Variants in SEMA5A observed in about 807,000 individuals in gnomAD.
SEMA5A encodes the protein semaphorin 5A.
In SEMA5A, 55 loss-of-function variants were observed where a neutral mutation model predicts 135.5. That is an observed-to-expected ratio of 0.41 (90% confidence interval 0.33 to 0.51). The LOEUF (loss-of-function observed/expected upper bound fraction) is 0.51. Ranked by LOEUF, SEMA5A falls within the 20% of genes least tolerant of loss-of-function variation. The probability of loss-of-function intolerance (pLI) is 0.37; values close to 1 mark genes in which losing one functional copy is unlikely to be tolerated. For synonymous variants in SEMA5A, 580 were observed against 546.5 expected, an observed-to-expected ratio of 1.06 and a Z score of -0.85; for missense variants, 1,290 against 1,419.9, an observed-to-expected ratio of 0.91 and a Z score of 1.47.
rs187059488 is a variant in SEMA5A, at chr5:9,135,250, G to A, written c.1599+1254C>T. On this transcript the variant is annotated intron_variant, in intron 13 of 22. Transcript: ENST00000382496. ...GGCTGGAGTGCAGTGGCACGATCTC[G>A]GCTCACTGCAAGCTCTGCCTCCCGA... Among the ~76,000 whole-genome samples the A allele has an allele frequency of 8.8e-5, 13 of 148,456 alleles. No homozygotes were observed. The East Asian group carries it at 1.2e-3, about 14-fold the overall frequency.
intron 2 of SEMA5A, among the ~76,000 whole-genome samples, chr5:9,417,913 G>A (rs1038406756): frequency 5.3e-5 from 8 of 152,002 alleles, no homozygotes; most frequent in Admixed American, 1.3e-4. Context: ...GTTTGGAGGT[G>A]GTGTCACCTT....
chr5:9,527,672 G>C (rs548160310), intron 1 of SEMA5A, among the ~76,000 whole-genome samples: 1 of 152,148 alleles, frequency 6.6e-6, no homozygotes, highest in Non-Finnish European at 1.5e-5. Flanking sequence ...TGCTCACTAT[G>C]GAACAGGCAA....
At chr5:9,140,488 C>T (rs1440269196) in intron 12 of SEMA5A, among the ~76,000 whole-genome samples, 1 of 152,156 alleles carries the variant, frequency 6.6e-6, no homozygotes, top group Non-Finnish European at 1.5e-5. Flanking sequence ...AATCTGGAGA[C>T]CCTTCAAGTG....
rs752341694 is a variant in SEMA5A at position 9,224,662 on chromosome 5, C to T, written c.646+12G>A. ...AAATGAGGTGAGAAAGAGGGAGTGA[C>T]GGAAGGCTTACCATTGAGCCATTTG... is the stretch of plus-strand genomic sequence containing the variant. On this transcript the variant is annotated intron_variant, in intron 8 of 22. Transcript: ENST00000382496. 108 of 1,613,136 alleles carry T rather than the reference C, an allele frequency of 6.7e-5. 1 individual carries two copies. Among genetic ancestry groups the T allele is most frequent in the South Asian group, 1.3e-4 (12 of 91,016 alleles).
intron 5 of SEMA5A, among the ~76,000 whole-genome samples, chr5:9,240,099 T>G (rs1237592240): frequency 8.5e-5 from 13 of 152,082 alleles, no homozygotes. Context: ...TATTTCATTA[T>G]TTTTATCCAG....
At chr5:9,236,920 A>G (rs890946709) in intron 6 of SEMA5A, among the ~76,000 whole-genome samples, 21 of 152,186 alleles carry the variant, frequency 1.4e-4, no homozygotes, top group Admixed American at 1.2e-3. Flanking sequence ...AATTGGGTAA[A>G]AAAAAGGTAC....
At chr5:9,193,846 G>A (rs1745243334) in intron 10 of SEMA5A, among the ~76,000 whole-genome samples, 1 of 152,176 alleles carries the variant, frequency 6.6e-6, no homozygotes, top group East Asian at 1.9e-4. Flanking sequence ...CCAGTGAGCT[G>A]AGATCGTACC....
At chr5:9,218,457 G>C (rs1432076933) in intron 8 of SEMA5A, among the ~76,000 whole-genome samples, 1 of 152,170 alleles carries the variant, frequency 6.6e-6, no homozygotes, top group Non-Finnish European at 1.5e-5. Context: ...TCATCGGTTT[G>C]TCCAATAACT....
intron 2 of SEMA5A, among the ~76,000 whole-genome samples, chr5:9,386,010 C>G (rs1755871194): frequency 6.6e-6 from 1 of 152,036 alleles, no homozygotes; most frequent in Non-Finnish European, 1.5e-5. Context: ...CCATGTTGGT[C>G]AGGCTAGTCT....
intron 17 of SEMA5A, among the ~76,000 whole-genome samples, chr5:9,064,614 G>T (rs767091259): frequency 3.3e-5 from 5 of 152,116 alleles, no homozygotes; most frequent in Non-Finnish European, 7.3e-5. Context: ...TGGACACCAG[G>T]AGGGGAACAC....
intron 5 of SEMA5A, among the ~76,000 whole-genome samples, chr5:9,294,605 C>G (rs1193570038): frequency 6.6e-6 from 1 of 152,196 alleles, no homozygotes; most frequent in African/African-American, 2.4e-5. Context: ...TTACTGAGCA[C>G]TCTACTTGCT....
At chr5:9,285,214 GT>G (rs1212873334) in intron 5 of SEMA5A, among the ~76,000 whole-genome samples, 3 of 152,038 alleles carry the variant, frequency 2.0e-5, no homozygotes, top group African/African-American at 4.8e-5. Context: ...AACATTTCTT[GT>G]TACAAAATGT....
At chr5:9,529,620 A>G (rs529868687) in intron 1 of SEMA5A, among the ~76,000 whole-genome samples, 12 of 152,362 alleles carry the variant, frequency 7.9e-5, no homozygotes, top group Middle Eastern at 3.4e-3. Context: ...GACATCTACT[A>G]AACTGGGGCC....
intron 1 of SEMA5A, among the ~76,000 whole-genome samples, chr5:9,485,208 C>T (rs1418083854): frequency 6.6e-6 from 1 of 151,462 alleles, no homozygotes; most frequent in South Asian, 2.1e-4. Context: ...ACCATGATGG[C>T]CATCTGAGCA....
chr5:9,162,660 C>T (rs1743359328), intron 11 of SEMA5A, among the ~76,000 whole-genome samples: 1 of 150,332 alleles, frequency 6.7e-6, no homozygotes. Context: ...CAGCAAGATA[C>T]ATTCTTGGGG....
chr5:9,269,285 T>C (rs546661290), intron 5 of SEMA5A, among the ~76,000 whole-genome samples: 1 of 152,228 alleles, frequency 6.6e-6, no homozygotes, highest in South Asian at 2.1e-4. Flanking sequence ...GCCAGGCAGA[T>C]AATACAGGAT....
At chr5:9,352,128 C>A (rs1754150677) in intron 3 of SEMA5A, among the ~76,000 whole-genome samples, 1 of 146,218 alleles carries the variant, frequency 6.8e-6, no homozygotes, top group Non-Finnish European at 1.5e-5. Flanking sequence ...TATAAGTTTA[C>A]TAATATCTGT....
At chr5:9,473,208 GA>G (rs34546257) in intron 1 of SEMA5A, among the ~76,000 whole-genome samples, 1,704 of 125,142 alleles carry the variant, frequency 0.014, 24 homozygotes, top group African/African-American at 0.038. Flanking sequence ...GCTAAAATAA[GA>G]AAAAAAAAAA....
At chr5:9,295,732 T>C (rs1751304788) in intron 5 of SEMA5A, among the ~76,000 whole-genome samples, 1 of 152,172 alleles carries the variant, frequency 6.6e-6, no homozygotes, top group Non-Finnish European at 1.5e-5. Flanking sequence ...TAAGCACTGA[T>C]AAGATTAAAT....
Sources: gnomAD v4.1 joint callset for allele counts (sites outside exome capture counted in the v4.1 genomes callset) on GRCh38, gnomAD v4.1.1 for gene constraint, MANE v1.5 for transcripts, NCBI Gene and HGNC (gene_info 2026-07-23, HGNC 2026-07-21) for gene names.